Variants in PLCB1 observed in about 807,000 individuals in gnomAD.
PLCB1 encodes 1-phosphatidylinositol 4,5-bisphosphate phosphodiesterase beta-1.
In PLCB1, 46 loss-of-function variants were observed where a neutral mutation model predicts 161.8. The ratio of observed to expected loss-of-function variants is 0.28; its 90% CI spans 0.22 to 0.36. PLCB1 has a LOEUF of 0.36. Among genes scored for constraint, PLCB1 ranks in the 10% least tolerant of loss-of-function variants. The probability of loss-of-function intolerance (pLI) is 1.00; values close to 1 mark genes in which losing one functional copy is unlikely to be tolerated. For synonymous variants in PLCB1, 517 were observed against 503.7 expected (o/e 1.03, Z -0.35); for missense variants, 1,016 against 1,472.5 (o/e 0.69, Z 5.07).
chr20:8,558,803 G>GA (rs999038550), intron 3 of PLCB1, among the ~76,000 whole-genome samples: 6 of 151,686 alleles, frequency 4.0e-5, no homozygotes, highest in African/African-American at 9.7e-5. Flanking sequence ...AAAACAGGAG[G>GA]AAAAAACAAC....
At chr20:8,339,657 T>A (rs1009969636) in intron 2 of PLCB1, among the ~76,000 whole-genome samples, 1 of 152,176 alleles carries the variant, frequency 6.6e-6, no homozygotes, top group African/African-American at 2.4e-5. Context: ...AAAACTCTCT[T>A]CTGTTGTTGG....
chr20:8,150,394 C>T, intron 2 of PLCB1, 23 bp downstream of exon 2: 1 of 1,206,226 alleles, frequency 8.3e-7, no homozygotes, highest in Non-Finnish European at 1.2e-6. Context: ...GTATGCCTTT[C>T]TTACATTTTT....
intron 9 of PLCB1, among the ~76,000 whole-genome samples, chr20:8,669,484 A>G (rs1001051546): frequency 6.6e-6 from 1 of 152,218 alleles, no homozygotes; most frequent in Non-Finnish European, 1.5e-5. Context: ...TAAAAATGTA[A>G]CATTTGTGAC....
rs1313831934 is a variant in PLCB1, at chr20:8,186,721, TGC to T, written c.177+36352_177+36353del. On this transcript the variant is annotated intron_variant, in intron 2 of 31. Coordinates refer to ENST00000338037, the MANE Select transcript of PLCB1 (RefSeq NM_015192.4). ...AAAACCTTATTAGAGAGAAAACCTG[TGC>T]GAGTGAAAAAAGGGAGGCAGCTGGG... Among the ~76,000 whole-genome samples the T allele has an allele frequency of 5.3e-5, 8 of 152,034 alleles. No homozygotes were observed. In the East Asian group the frequency reaches 1.5e-3, roughly 29 times the overall value.
intron 24 of PLCB1, among the ~76,000 whole-genome samples, chr20:8,758,655 A>G (rs1600303350): frequency 6.6e-6 from 1 of 152,226 alleles, no homozygotes; most frequent in South Asian, 2.1e-4. Context: ...TAAATTTTCA[A>G]ATAAAGAGTT....
intron 3 of PLCB1, among the ~76,000 whole-genome samples, chr20:8,575,717 C>T (rs938336821): frequency 5.3e-5 from 8 of 152,210 alleles, no homozygotes; most frequent in Non-Finnish European, 2.9e-5. Context: ...CTGGATTCAA[C>T]TTCAGCGTGA....
intron 2 of PLCB1, among the ~76,000 whole-genome samples, chr20:8,183,826 A>C (rs2051872723): frequency 6.6e-6 from 1 of 152,182 alleles, no homozygotes; most frequent in Non-Finnish European, 1.5e-5. Context: ...ATCAGCATTC[A>C]AAGTTATCTT....
intron 2 of PLCB1, among the ~76,000 whole-genome samples, chr20:8,253,708 G>A (rs1308793066): frequency 6.6e-6 from 1 of 151,916 alleles, no homozygotes; most frequent in Non-Finnish European, 1.5e-5. Context: ...TTTTGGGTAT[G>A]AATGTTCCCA....
chr20:8,690,441 G>A (rs1990451435), intron 10 of PLCB1, among the ~76,000 whole-genome samples: 1 of 152,154 alleles, frequency 6.6e-6, no homozygotes, highest in Non-Finnish European at 1.5e-5. Context: ...AATGGGGAAT[G>A]CTGATTGGTG....
intron 3 of PLCB1, among the ~76,000 whole-genome samples, chr20:8,387,186 G>A (rs1234523112): frequency 6.6e-6 from 1 of 152,124 alleles, no homozygotes; most frequent in Non-Finnish European, 1.5e-5. Context: ...GGCACAAGTG[G>A]TCTAGCTTTT....
chr20:8,192,777 A>G (rs2051983086), intron 2 of PLCB1, among the ~76,000 whole-genome samples: 1 of 151,964 alleles, frequency 6.6e-6, no homozygotes, highest in Non-Finnish European at 1.5e-5. Flanking sequence ...GAAATGATGT[A>G]AATAAAAATA....
rs983062610 is a variant in PLCB1 at position 8,154,758 on chromosome 20, C to A, written c.177+4387C>A. 5.9e-5 allele frequency among the ~76,000 whole-genome samples: 9 copies of A among 152,062 alleles called. No individual in the cohort carries two copies. In the South Asian group the frequency reaches 8.3e-4, roughly 14 times the overall value. On this transcript the variant is annotated intron_variant, in intron 2 of 31. Coordinates refer to ENST00000338037, the MANE Select transcript of PLCB1 (RefSeq NM_015192.4). ...CCTTACATGGATTGCCTATTTATAT[C>A]TCTTGCCCTTGTGTGGACAGTTCTC...
intron 31 of PLCB1, among the ~76,000 whole-genome samples, chr20:8,812,472 GCTCC>G (rs1257439944): frequency 6.6e-6 from 1 of 152,144 alleles, no homozygotes; most frequent in South Asian, 2.1e-4. Context: ...AGACAAAGAG[GCTCC>G]CTCTGGTGTT....
intron 23 of PLCB1, among the ~76,000 whole-genome samples, chr20:8,754,393 CAAA>C (rs5840280): frequency 3.8e-5 from 5 of 129,962 alleles, no homozygotes; most frequent in Non-Finnish European, 3.3e-5. Context: ...TTTTAGTTGC[CAAA>C]AAAAAAAAAA....
At chr20:8,466,386 G>A (rs1237462) in intron 3 of PLCB1, among the ~76,000 whole-genome samples, 1 of 151,030 alleles carries the variant, frequency 6.6e-6, no homozygotes, top group Non-Finnish European at 1.5e-5. Context: ...TGACGAGTTA[G>A]TGGGTGCAGC....
At chr20:8,689,919 G>T (rs1416313010) in intron 10 of PLCB1, among the ~76,000 whole-genome samples, 1 of 62,500 alleles carries the variant, frequency 1.6e-5, no homozygotes, top group Non-Finnish European at 4.4e-5. Context: ...GGAAAGAAAA[G>T]GGTTTACCTT....
chr20:8,533,371 A>G lies in PLCB1; in HGVS notation c.247-94923A>G, dbSNP rs926905555. Among the ~76,000 whole-genome samples, 7 of 151,254 alleles carry G rather than the reference A, an allele frequency of 4.6e-5. No individual in the cohort carries two copies. The South Asian group carries it at 6.3e-4, about 14-fold the overall frequency. ...CAGCATGATTTATATTCCTTTGGGT[A>G]TATACCCAGTAATGGGATGGCTGGG... On this transcript the variant is annotated intron_variant, in intron 3 of 31. Transcript: ENST00000338037.
chr20:8,553,407 A>T (rs1468813715), intron 3 of PLCB1, among the ~76,000 whole-genome samples: 2 of 152,168 alleles, frequency 1.3e-5, no homozygotes, highest in Non-Finnish European at 2.9e-5. Flanking sequence ...CGTTTCTTGA[A>T]ATAAAGTGAG....
intron 3 of PLCB1, among the ~76,000 whole-genome samples, chr20:8,580,218 C>G (rs1036453955): frequency 1.3e-5 from 2 of 152,102 alleles, no homozygotes; most frequent in African/African-American, 4.8e-5. Context: ...CATGTCAAAG[C>G]ATCAAAAATA....
Sources: allele counts gnomAD v4.1 joint callset (sites outside exome capture counted in the v4.1 genomes callset), GRCh38; gene constraint gnomAD v4.1.1; transcripts MANE v1.5; gene names NCBI Gene and HGNC (gene_info 2026-07-23, HGNC 2026-07-21).